The following RTL4 variants were observed in gnomAD, a reference collection of about 807,000 sequenced individuals.
The protein encoded by RTL4 is retrotransposon Gag like 4.
Under a neutral mutation model 5.3 loss-of-function variants are expected in RTL4, and 4 were observed. The observed-to-expected ratio is 0.75, with a 90% confidence interval of 0.37 to 1.72. The LOEUF is 1.72. Ranked by LOEUF, RTL4 falls within the 40% of genes most tolerant of loss-of-function variation. The probability of loss-of-function intolerance (pLI) is 0.04; values close to 1 mark genes in which losing one functional copy is unlikely to be tolerated. For missense variants in RTL4, 260 were observed against 227.1 expected, an observed-to-expected ratio of 1.14 and a Z score of -0.93; for synonymous variants, 98 against 87.3, an observed-to-expected ratio of 1.12 and a Z score of -0.68.
the RTL4 span, among the ~76,000 whole-genome samples, chrX:112,319,657 C>T: frequency 3.6e-5 from 4 of 111,628 alleles, no homozygotes; most frequent in Admixed American, 3.8e-4. Context: ...ATTCCTTCCA[C>T]CACATAGACA....
chrX:112,120,426 G>A, the RTL4 span, among the ~76,000 whole-genome samples: 33 of 110,821 alleles, frequency 3.0e-4, no homozygotes, highest in African/African-American at 1.1e-3. Flanking sequence ...ACAGGCGCCC[G>A]CCACCACGCC....
the RTL4 span, among the ~76,000 whole-genome samples, chrX:112,407,782 C>T: frequency 8.9e-6 from 1 of 112,845 alleles, no homozygotes; most frequent in African/African-American, 3.2e-5. Flanking sequence ...TACTCTACCC[C>T]CAGCTCCAGG....
chrX:112,357,568 C>G, the RTL4 span, among the ~76,000 whole-genome samples: 1 of 112,052 alleles, frequency 8.9e-6, no homozygotes, highest in Non-Finnish European at 1.9e-5. Flanking sequence ...ACAAAAAGAT[C>G]AAAACCATGC....
chrX:112,355,632 T>C, the RTL4 span, among the ~76,000 whole-genome samples: 2 of 110,755 alleles, frequency 1.8e-5, no homozygotes, highest in Non-Finnish European at 3.8e-5. Flanking sequence ...TACAAAGAGA[T>C]AGTGAGCAAG....
the RTL4 span, among the ~76,000 whole-genome samples, chrX:112,399,127 A>C: frequency 8.9e-6 from 1 of 112,024 alleles, no homozygotes; most frequent in Non-Finnish European, 1.9e-5. Flanking sequence ...CATTTTTATA[A>C]CTATAGAATC....
the RTL4 span, among the ~76,000 whole-genome samples, chrX:112,176,325 C>T: frequency 1.2e-4 from 14 of 112,068 alleles, no homozygotes; most frequent in South Asian, 3.7e-4. Context: ...ATTCAATTTT[C>T]GTTTCTCAGT....
the RTL4 span, among the ~76,000 whole-genome samples, chrX:112,342,637 A>T: frequency 3.2e-4 from 36 of 111,450 alleles, no homozygotes; most frequent in African/African-American, 1.1e-3. Context: ...GGCAAGAGAA[A>T]CCATGGGAAT....
At chrX:112,260,009 G>A in the RTL4 span, among the ~76,000 whole-genome samples, 2 of 111,660 alleles carry the variant, frequency 1.8e-5, no homozygotes, top group Admixed American at 1.9e-4. Flanking sequence ...ATGTTAAGTC[G>A]TTCCTAGTAG....
At chrX:112,130,728 A>G in the RTL4 span, among the ~76,000 whole-genome samples, 8 of 108,613 alleles carry the variant, frequency 7.4e-5, no homozygotes, top group Admixed American at 7.9e-4. Context: ...CAAGTACTGT[A>G]TGTCTTTACT....
the RTL4 span, among the ~76,000 whole-genome samples, chrX:112,374,228 T>G: frequency 9.0e-6 from 1 of 111,075 alleles, no homozygotes; most frequent in East Asian, 2.8e-4. Context: ...ATTTTTATAT[T>G]CAATATAGAT....
the RTL4 span, among the ~76,000 whole-genome samples, chrX:112,410,495 T>C: frequency 8.9e-6 from 1 of 112,009 alleles, no homozygotes; most frequent in Admixed American, 9.5e-5. Flanking sequence ...ACAAAACTAG[T>C]CTTAAATCTT....
At chrX:112,396,600 T>TC in the RTL4 span, among the ~76,000 whole-genome samples, 1 of 110,717 alleles carries the variant, frequency 9.0e-6, no homozygotes, top group African/African-American at 3.3e-5. Context: ...TCATATTATA[T>TC]CCCCCCCACC....
At chrX:112,378,108 G>A in the RTL4 span, among the ~76,000 whole-genome samples, 2 of 111,359 alleles carry the variant, frequency 1.8e-5, no homozygotes, top group Non-Finnish European at 3.8e-5. Context: ...TAAGCTGCAC[G>A]AGTAGATGGA....
chrX:112,356,611 T>TAA, the RTL4 span, among the ~76,000 whole-genome samples: 1 of 107,682 alleles, frequency 9.3e-6, no homozygotes, highest in Non-Finnish European at 1.9e-5. Context: ...TGTGTGTGTG[T>TAA]AATATGATCT....
At chrX:112,149,907 G>T in the RTL4 span, among the ~76,000 whole-genome samples, 1 of 111,808 alleles carries the variant, frequency 8.9e-6, no homozygotes, top group African/African-American at 3.3e-5. Context: ...AAGAAGTAAG[G>T]TGGACAGAAA....
At chrX:112,226,971 T>TAAAATAAAATAAAATAAATAA in the RTL4 span, among the ~76,000 whole-genome samples, 7 of 74,918 alleles carry the variant, frequency 9.3e-5, no homozygotes, top group African/African-American at 3.3e-4. Flanking sequence ...TAAAATAAAA[T>TAAAATAAAATAAAATAAATAA]AATAAAATAA....
chrX:112,449,598 G>C (rs997474101), upstream of RTL4, among the ~76,000 whole-genome samples: 3 of 111,564 alleles, frequency 2.7e-5, no homozygotes, highest in African/African-American at 9.8e-5. Context: ...CCAGGAGTGA[G>C]CCCAAGAATC....
At chrX:112,310,416 T>TATATA in the RTL4 span, among the ~76,000 whole-genome samples, 1 of 21,031 alleles carries the variant, frequency 4.8e-5, no homozygotes, top group Non-Finnish European at 1.0e-4. Context: ...ATATATATAT[T>TATATA]TAATATAATA....
At chrX:112,254,478 C>T in the RTL4 span, among the ~76,000 whole-genome samples, 2 of 110,296 alleles carry the variant, frequency 1.8e-5, no homozygotes, top group Admixed American at 9.7e-5. Flanking sequence ...TACAAGCACA[C>T]GCCACTACGC....
Sources: allele counts gnomAD v4.1 joint callset (sites outside exome capture counted in the v4.1 genomes callset), GRCh38; gene constraint gnomAD v4.1.1; transcripts MANE v1.5; gene names NCBI Gene and HGNC (gene_info 2026-07-23, HGNC 2026-07-21).